Variants in TMC1 observed in about 807,000 individuals in gnomAD.
The protein encoded by TMC1 is transmembrane channel like 1.
In TMC1, 84 loss-of-function variants were observed where a neutral mutation model predicts 105.8. The observed-to-expected ratio is 0.79, with a 90% CI of 0.67 to 0.95. TMC1 has a LOEUF of 0.95. TMC1 is among the 40% of genes least tolerant of loss of function. The pLI is 0.00. For missense variants in TMC1, 817 were observed against 914.1 expected (o/e 0.89, Z 1.37); for synonymous variants, 315 against 311.5 (o/e 1.01, Z -0.12).
At chr9:72,542,601 G>C (rs778529119) in intron 1 of TMC1, among the ~76,000 whole-genome samples, 1 of 151,598 alleles carries the variant, frequency 6.6e-6, no homozygotes, top group Non-Finnish European at 1.5e-5. Context: ...GCCTAGGGGG[G>C]AGAAAAAGAA....
chr9:72,766,603 A>G (rs1161699722), intron 12 of TMC1, among the ~76,000 whole-genome samples: 1 of 152,088 alleles, frequency 6.6e-6, no homozygotes, highest in African/African-American at 2.4e-5. Context: ...CTGTGTAGGC[A>G]GGAGGCAGGG....
At chr9:72,608,068 T>G (rs537500322) in intron 2 of TMC1, 1 of 152,328 alleles carries the variant, frequency 6.6e-6, no homozygotes, top group African/African-American at 2.4e-5. Flanking sequence ...GCTTCAGGCT[T>G]GGCTTGATCC....
chr9:72,626,353 A>G (rs1825346970), intron 3 of TMC1, among the ~76,000 whole-genome samples: 1 of 152,216 alleles, frequency 6.6e-6, no homozygotes, highest in South Asian at 2.1e-4. Flanking sequence ...GGAGCTAAGG[A>G]GAAAGATCTG....
At chr9:72,789,982 G>A (rs935744233) in intron 15 of TMC1, among the ~76,000 whole-genome samples, 4 of 152,124 alleles carry the variant, frequency 2.6e-5, no homozygotes, top group East Asian at 1.9e-4. Context: ...CATTATGACC[G>A]TAATTTGCCT....
chr9:72,688,804 T>G, intron 6 of TMC1, 48 bp downstream of exon 6: 2 of 1,491,478 alleles, frequency 1.3e-6, no homozygotes, highest in Non-Finnish European at 9.3e-7. Context: ...GGAATACCAG[T>G]AAACTCAAAG....
At chr9:72,791,544 CTTG>C (rs1286695084) in intron 15 of TMC1, among the ~76,000 whole-genome samples, 1 of 152,136 alleles carries the variant, frequency 6.6e-6, no homozygotes, top group African/African-American at 2.4e-5. Flanking sequence ...TTTTGGAAAT[CTTG>C]TTGTGAAGTG....
chr9:72,816,998 A>G (rs1828798383), intron 19 of TMC1: 1 of 152,210 alleles, frequency 6.6e-6, no homozygotes, highest in African/African-American at 2.4e-5. Flanking sequence ...CTAAGACAAT[A>G]TTATGCTGCC....
chr9:72,660,899 G>A (rs1797001), intron 5 of TMC1, among the ~76,000 whole-genome samples: 75,349 of 151,850 alleles, frequency 0.5, 18,992 homozygotes, highest in African/African-American at 0.59. Context: ...TACCTTATAC[G>A]AGAACGTATG....
At chr9:72,776,281 A>G (rs925913876) in intron 13 of TMC1, among the ~76,000 whole-genome samples, 3 of 151,902 alleles carry the variant, frequency 2.0e-5, no homozygotes, top group African/African-American at 7.2e-5. Context: ...TACATATATC[A>G]CAAACCAACC....
rs58007608 is a variant in TMC1, at chr9:72,683,733, T to TTATATATATATATATA, written c.17-4950_17-4935dup. Among the ~76,000 whole-genome samples, 257 of 53,240 alleles carry TTATATATATATATATA rather than the reference T, an allele frequency of 4.8e-3. 15 individuals carry two copies. Among genetic ancestry groups the TTATATATATATATATA allele is most frequent in the East Asian group, 7.9e-3 (11 of 1,384 alleles). The allele number at this position is 53,240 out of a possible 152,430, so 34.9% of individuals were successfully genotyped here. ...TCTGAGTTAACCTGAGTTACACATT[T>TTATATATATATATATA]TATATATATATATATATATATATAT... On this transcript the variant is annotated intron_variant, in intron 5 of 23. Transcript: ENST00000297784.
In TMC1 at chr9:72,694,628, T is replaced by C. The variant is rs1229357087; in HGVS notation, c.150T>C (p.Asn50=). 1.2e-6 allele frequency: 2 copies of C among 1,612,818 alleles called. No individual in the cohort carries two copies. The highest frequency in any genetic ancestry group is 4.5e-5 in the East Asian group (2 of 44,710). The change falls in exon 7 of 24, where the codon AAT becomes AAC. Residue 50 remains asparagine (N), a synonymous_variant. Transcript: ENST00000297784. ...PKRKRTRDVI[N]EDDPEPEPED... The stretch of plus-strand genomic sequence containing the variant: ...GGAAACGGACCAGAGATGTTATCAA[T>C]GAGGATGACCCAGAACCTGAACCAG...
intron 2 of TMC1, among the ~76,000 whole-genome samples, chr9:72,588,086 G>C (rs1037043143): frequency 6.6e-6 from 1 of 152,134 alleles, no homozygotes; most frequent in Non-Finnish European, 1.5e-5. Context: ...ATTGTGCCCA[G>C]AGAGAGTGCA....
At chr9:72,686,207 T>A (rs111823166) in intron 5 of TMC1, among the ~76,000 whole-genome samples, 2,487 of 152,178 alleles carry the variant, frequency 0.016, 27 homozygotes, top group South Asian at 0.047. Flanking sequence ...TCCTTCACTA[T>A]CCTCCCATCA....
chr9:72,539,018 T>A (rs766193628), intron 1 of TMC1, among the ~76,000 whole-genome samples: 17 of 151,994 alleles, frequency 1.1e-4, no homozygotes, highest in Non-Finnish European at 2.4e-4. Flanking sequence ...TTCAGTTGAT[T>A]GGGGGAGTTT....
chr9:72,592,730 T>C (rs1397393208), intron 2 of TMC1, among the ~76,000 whole-genome samples: 1 of 152,220 alleles, frequency 6.6e-6, no homozygotes, highest in Non-Finnish European at 1.5e-5. Flanking sequence ...AGGTATCAGA[T>C]GCTCAATGTC....
intron 2 of TMC1, among the ~76,000 whole-genome samples, chr9:72,605,798 A>C (rs1824901473): frequency 6.6e-6 from 1 of 151,602 alleles, no homozygotes; most frequent in African/African-American, 2.4e-5. Flanking sequence ...CTGGTCTCGA[A>C]CTCCTGGCCT....
intron 21 of TMC1, 76 bp downstream of exon 21, chr9:72,827,070 G>A: frequency 6.3e-7 from 1 of 1,584,336 alleles, no homozygotes; most frequent in Non-Finnish European, 8.7e-7. Flanking sequence ...AGCTTTTTCA[G>A]CTCTCTCACT....
intron 8 of TMC1, among the ~76,000 whole-genome samples, chr9:72,718,624 ACT>A (rs1826962992): frequency 1.3e-5 from 2 of 151,772 alleles, no homozygotes; most frequent in South Asian, 2.1e-4. Context: ...AGTAAAACAG[ACT>A]CTGTGAGGTG....
At chr9:72,674,875 A>G (rs1826177665) in intron 5 of TMC1, among the ~76,000 whole-genome samples, 1 of 152,210 alleles carries the variant, frequency 6.6e-6, no homozygotes, top group Non-Finnish European at 1.5e-5. Context: ...GAGCTGATGA[A>G]TAAAAAATAA....
Sources: allele counts gnomAD v4.1 joint callset (sites outside exome capture counted in the v4.1 genomes callset), GRCh38; gene constraint gnomAD v4.1.1; transcripts MANE v1.5; gene names NCBI Gene and HGNC (gene_info 2026-07-23, HGNC 2026-07-21).